AHDC1: variants seen among roughly 807,000 people sequenced by gnomAD.
AHDC1 encodes AT-hook DNA binding motif containing 1.
Under a neutral mutation model 87.9 loss-of-function variants are expected in AHDC1, and 7 were observed. The observed-to-expected ratio is 0.08, with a 90% CI of 0.05 to 0.15. The LOEUF (loss-of-function observed/expected upper bound fraction) is 0.15, where lower values mean the gene tolerates loss of function less well. Ranked by LOEUF, AHDC1 falls within the 10% of genes least tolerant of loss-of-function variation. The pLI, the probability that AHDC1 is intolerant of heterozygous loss-of-function variation, is 1.00. For synonymous variants in AHDC1, 1,051 were observed against 1,006.8 expected, an observed-to-expected ratio of 1.04 and a Z score of -0.83; for missense variants, 1,841 against 2,253.2, an observed-to-expected ratio of 0.82 and a Z score of 3.70.
chr1:27,550,891 G>A lies in AHDC1; in HGVS notation c.1225C>T (p.Pro409Ser), dbSNP rs933094504. The change falls in exon 8 of 9, where the codon CCC becomes TCC. Residue 409 changes from proline to serine, a missense_variant. By Grantham distance (74) the Pro-to-Ser change is moderately conservative (BLOSUM62 -1). Transcript: ENST00000673934. ...GGCAGGGGCAGTAGGCGGCCCTCGG[G>A]TCCGGCGTCTGCCTTGCGTCCCCGT... ...AGRGRKADAG[P>S]EGRLLPLPMP... The A allele has an allele frequency of 1.3e-6, 2 of 1,590,364 alleles. No individual in the cohort carries two copies. The highest frequency in any genetic ancestry group is 1.3e-5 in the African/African-American group (1 of 74,730).
At chr1:27,542,505 T>A (rs1422918655) in intron 8 of AHDC1, among the ~76,000 whole-genome samples, 1 of 152,208 alleles carries the variant, frequency 6.6e-6, no homozygotes, top group Non-Finnish European at 1.5e-5. Flanking sequence ...TCAGCCTCTG[T>A]CGGGTATTTA....
At chr1:27,559,469 G>C (rs1437290711) in intron 3 of AHDC1, among the ~76,000 whole-genome samples, 1 of 152,216 alleles carries the variant, frequency 6.6e-6, no homozygotes, top group East Asian at 1.9e-4. Flanking sequence ...TGGCCTTTGG[G>C]AGTCTGACAG....
rs1387011685 is a variant in AHDC1 at position 27,561,912 on chromosome 1, G to A, written c.-628-3029C>T. 6.6e-6 allele frequency among the ~76,000 whole-genome samples: 1 copy of A among 152,068 alleles called. No homozygotes were observed. Among genetic ancestry groups the A allele is most frequent in the African/African-American group, 2.4e-5 (1 of 41,392 alleles). On this transcript the variant is annotated intron_variant, in intron 3 of 8. Coordinates refer to ENST00000673934, the MANE Select transcript of AHDC1 (RefSeq NM_001371928.1). The surrounding 1 kb of genome is among the most constrained non-coding windows in gnomAD (Gnocchi z 4.2). ...GAGATGGAGAGGAAGGTAGAGAGAGGCGGGTGAGACCTTGTCAGAGGCTGA... is the reference window on the plus strand; with the variant it reads ...GAGATGGAGAGGAAGGTAGAGAGAGACGGGTGAGACCTTGTCAGAGGCTGA...
At position 27,551,966 on chromosome 1, in the gene AHDC1, C is replaced by T. The variant is rs1361487541; in HGVS notation, c.150G>A (p.Lys50=). ...PTRPPASPPD[K]AFSTHAFSEN... is the part of the protein sequence containing the mutation. ...CGGAGAAGGCGTGGGTGGAGAAGGC[C>T]TTGTCAGGTGGGCTGGCAGGGGGCC... The change falls in exon 8 of 9, where the codon AAG becomes AAA. Residue 50 remains lysine (K), a synonymous_variant. Coordinates refer to ENST00000673934, the MANE Select transcript of AHDC1 (RefSeq NM_001371928.1). The T allele has an allele frequency of 1.8e-6, 2 of 1,132,110 alleles. No individual in the cohort carries two copies. Among genetic ancestry groups the T allele is most frequent in the African/African-American group, 3.8e-5 (2 of 52,768 alleles). The allele number at this position is 1,132,110 out of a possible 1,614,324, so 70.1% of individuals were successfully genotyped here.
intron 3 of AHDC1, among the ~76,000 whole-genome samples, chr1:27,596,396 C>G (rs567887138): frequency 6.6e-6 from 1 of 152,050 alleles, no homozygotes; most frequent in East Asian, 1.9e-4. Flanking sequence ...ACAGTCCTCA[C>G]GGAGGCTCCT....
chr1:27,556,455 C>CT (rs766033150), intron 5 of AHDC1, among the ~76,000 whole-genome samples: 6 of 152,188 alleles, frequency 3.9e-5, no homozygotes, highest in Non-Finnish European at 8.8e-5. Flanking sequence ...CTCCAGGGGC[C>CT]TTATCTCTCA....
intron 3 of AHDC1, among the ~76,000 whole-genome samples, chr1:27,584,143 CAG>C (rs2088982880): frequency 6.6e-6 from 1 of 152,182 alleles, no homozygotes; most frequent in Non-Finnish European, 1.5e-5. Flanking sequence ...AATCAAGGCC[CAG>C]AGAGGGAAAG....
chr1:27,602,351 C>T (rs1244250192), intron 3 of AHDC1, among the ~76,000 whole-genome samples: 1 of 152,186 alleles, frequency 6.6e-6, no homozygotes, highest in Non-Finnish European at 1.5e-5. Context: ...GGCCCACATC[C>T]TTCCTCCCTC....
In AHDC1 at chr1:27,550,981, G is replaced by A; in HGVS notation, c.1135C>T (p.His379Tyr). The change falls in exon 8 of 9, where the codon CAC (histidine) becomes TAC (tyrosine). Residue 379 changes from histidine to tyrosine, a missense_variant. Around this residue, in one of 13 missense-constraint regions of AHDC1, gnomAD observed 370 missense variants for 391.5 expected, o/e 0.95. Transcript: ENST00000673934. ...GTGCGCCGCAAGGCGTACTTGGGGTGACCCTCAGGCCCGGGGGGGCCGTGC... is the reference window on the plus strand; with the variant it reads ...GTGCGCCGCAAGGCGTACTTGGGGTAACCCTCAGGCCCGGGGGGGCCGTGC... ...SPHGPPGPEG[H>Y]PKYALRRTDR... 1 of 1,588,824 alleles carries A rather than the reference G, an allele frequency of 6.3e-7. No homozygotes were observed. Among genetic ancestry groups the A allele is most frequent in the South Asian group, 1.1e-5 (1 of 89,308 alleles).
intron 3 of AHDC1, among the ~76,000 whole-genome samples, chr1:27,572,424 C>T (rs552831453): frequency 4.6e-5 from 7 of 152,210 alleles, no homozygotes; most frequent in South Asian, 4.2e-4. Context: ...AAAACACCAC[C>T]GGATGGTCCC....
At position 27,550,781 on chromosome 1, in the gene AHDC1, C is replaced by A; in HGVS notation, c.1335G>T (p.Pro445=). 6.4e-7 allele frequency: 1 copy of A among 1,569,388 alleles called. No homozygotes were observed. Among genetic ancestry groups the A allele is most frequent in the South Asian group, 1.2e-5 (1 of 86,570 alleles). ...CCGGCTTCAACTCTGGGACTGAGAC[C>A]GGGCCTGGGCCTGGCAGGGCAGGGG... ...PPPPALPGPG[P]VSVPELKPES... Residue 445 remains proline (P), a synonymous_variant, in exon 8 of 9, where the codon CCG becomes CCT. Transcript: ENST00000673934.
intron 3 of AHDC1, among the ~76,000 whole-genome samples, chr1:27,575,383 C>G (rs1290025871): frequency 1.3e-5 from 2 of 152,068 alleles, no homozygotes; most frequent in Non-Finnish European, 2.9e-5. Flanking sequence ...GGACTGGACC[C>G]CCGCCAGACC....
chr1:27,548,454 T>C lies in AHDC1; in HGVS notation c.3662A>G (p.Gln1221Arg). ...GGAGCTACTCTGAAAGAGGACACTC[T>C]GGTTCCAGTTGTAGCCGGGGGCAGA... ...ASSAPGYNWN[Q>R]SVLFQSSSKP... The change falls in exon 8 of 9, where the codon CAG (glutamine) becomes CGG (arginine). Residue 1221 changes from glutamine (Q) to arginine (R), a missense_variant. Gln to Arg is a conservative substitution (Grantham distance 43). This residue lies in a region of AHDC1 where 505 missense variants were observed against 626.2 expected (regional missense o/e 0.81). Transcript: ENST00000673934. The C allele has an allele frequency of 6.2e-7, 1 of 1,613,864 alleles. No homozygotes were observed. Among genetic ancestry groups the C allele is most frequent in the Non-Finnish European group, 8.5e-7 (1 of 1,180,014 alleles).
chr1:27,550,680 G>A lies in AHDC1; in HGVS notation c.1436C>T (p.Ala479Val). Residue 479 changes from alanine to valine, a missense_variant, in exon 8 of 9, where the codon GCC (alanine) becomes GTC (valine). Physicochemically the swap from Ala to Val is moderately conservative, Grantham distance 64 (BLOSUM62 0). Around this residue, in one of 13 missense-constraint regions of AHDC1, gnomAD observed 27 missense variants for 58.6 expected, o/e 0.46. Coordinates refer to ENST00000673934, the MANE Select transcript of AHDC1 (RefSeq NM_001371928.1). ...CCGCCCCAGCGATACGGGGATCTTG[G>A]CCATCTTCACCACCATGCGCCGCAC... ...RGVRRMVVKM[A>V]KIPVSLGRRN... 6.2e-7 allele frequency: 1 copy of A among 1,612,812 alleles called. No individual in the cohort carries two copies. Among genetic ancestry groups the A allele is most frequent in the Non-Finnish European group, 8.5e-7 (1 of 1,179,744 alleles).
At chr1:27,536,350 G>A (rs1022192337) in intron 8 of AHDC1, among the ~76,000 whole-genome samples, 1 of 152,238 alleles carries the variant, frequency 6.6e-6, no homozygotes, top group Non-Finnish European at 1.5e-5. Context: ...CAGACCAGGT[G>A]GCAGGCAGAG....
At chr1:27,567,598 C>T (rs984228321) in intron 3 of AHDC1, among the ~76,000 whole-genome samples, 1 of 152,182 alleles carries the variant, frequency 6.6e-6, no homozygotes, top group East Asian at 1.9e-4. Flanking sequence ...ATAATCCCTG[C>T]CTCCCTTGCA....
rs751164310 is a variant in AHDC1 at position 27,548,367 on chromosome 1, G to A, written c.3749C>T (p.Pro1250Leu). Residue 1250 changes from proline to leucine, a missense_variant, in exon 8 of 9, where the codon CCG (proline) becomes CTG (leucine). Physicochemically the swap from Pro to Leu is moderately conservative, Grantham distance 98. Coordinates refer to ENST00000673934, the MANE Select transcript of AHDC1 (RefSeq NM_001371928.1). Reference sequence around the variant, plus strand: ...TGAGGCAGCGGCAGAGGCGGATGTCGGGAAGCCCAGATGTGAGGCCTCGAA... The same window carrying A: ...TGAGGCAGCGGCAGAGGCGGATGTCAGGAAGCCCAGATGTGAGGCCTCGAA... ...DLFEASHLGF[P>L]TSASAAASGY... The A allele has an allele frequency of 1.3e-5, 21 of 1,606,494 alleles. No individual in the cohort carries two copies. The highest frequency in any genetic ancestry group is 1.7e-5 in the Non-Finnish European group (20 of 1,174,558).
intron 8 of AHDC1, among the ~76,000 whole-genome samples, chr1:27,539,937 G>A (rs1329981569): frequency 6.6e-6 from 1 of 151,992 alleles, no homozygotes; most frequent in Non-Finnish European, 1.5e-5. Flanking sequence ...TACCTGTCCT[G>A]GGAGGAGGCT....
At chr1:27,564,214 G>A (rs2020222077) in intron 3 of AHDC1, among the ~76,000 whole-genome samples, 1 of 152,196 alleles carries the variant, frequency 6.6e-6, no homozygotes, top group Admixed American at 6.5e-5. Flanking sequence ...AGAGGCCTGG[G>A]TTCCAGTCTG....
Sources: gnomAD v4.1 joint callset for allele counts (sites outside exome capture counted in the v4.1 genomes callset) on GRCh38, gnomAD v4.1.1 for gene constraint, gnomAD v4.1.1 regional missense constraint, Gnocchi (gnomAD v3.1) non-coding constraint, MANE v1.5 for transcripts, NCBI Gene and HGNC (gene_info 2026-07-23, HGNC 2026-07-21) for gene names.